MARK2: variants seen among roughly 807,000 people sequenced by gnomAD.
MARK2 encodes serine/threonine-protein kinase MARK2.
In MARK2, 16 loss-of-function variants were observed where a neutral mutation model predicts 89.8. That is an observed-to-expected ratio of 0.18 (90% CI 0.12 to 0.27). MARK2 has a LOEUF of 0.27. Among genes scored for constraint, MARK2 ranks in the 10% least tolerant of loss-of-function variants. The probability of loss-of-function intolerance (pLI) is 1.00; values close to 1 mark genes in which losing one functional copy is unlikely to be tolerated. For missense variants in MARK2, 621 were observed against 1,049.9 expected, an observed-to-expected ratio of 0.59 and a Z score of 5.65; for synonymous variants, 382 against 399.5, an observed-to-expected ratio of 0.96 and a Z score of 0.52.
In MARK2 at chr11:63,900,190, A is replaced by G; in HGVS notation, c.768+80A>G. On this transcript the variant is annotated intron_variant, in intron 8 of 18. Transcript: ENST00000402010. The surrounding 1 kb of genome is among the most constrained non-coding windows in gnomAD (Gnocchi z 4.7). ...TTAGCCCTGACCTCCTGCCTTTGCCACCTGTCTACATTTGTCCCAAGCCAA... is the reference window on the plus strand; with the variant it reads ...TTAGCCCTGACCTCCTGCCTTTGCCGCCTGTCTACATTTGTCCCAAGCCAA... 1.9e-6 allele frequency: 2 copies of G among 1,079,362 alleles called. No individual in the cohort carries two copies. The highest frequency in any genetic ancestry group is 2.3e-4 in the Middle Eastern group (1 of 4,432). The allele number at this position is 1,079,362 out of a possible 1,614,324, so 66.9% of individuals were successfully genotyped here.
chr11:63,895,603 G>C lies in MARK2; in HGVS notation c.258G>C (p.Lys86Asn). 4 of 1,594,496 alleles carry C rather than the reference G, an allele frequency of 2.5e-6. No homozygotes were observed. Among genetic ancestry groups the C allele is most frequent in the Non-Finnish European group, 3.4e-6 (4 of 1,168,830 alleles). ...AGGTAGCTGTGAAGATCATTGACAA[G>C]ACTCAACTGAACTCCTCCAGCCTCC... ...GKEVAVKIIDKTQLNSSSLQK... is the reference protein window; with the variant it reads ...GKEVAVKIIDNTQLNSSSLQK... Residue 86 changes from lysine to asparagine, a missense_variant, in exon 3 of 19, where the codon AAG (lysine) becomes AAC (asparagine). Around this residue, in one of 5 missense-constraint regions of MARK2, gnomAD observed 82 missense variants for 287.7 expected, o/e 0.29. Coordinates refer to ENST00000402010, the MANE Select transcript of MARK2 (RefSeq NM_001039469.3).
intron 11 of MARK2, among the ~76,000 whole-genome samples, chr11:63,901,684 G>A (rs1279993625): frequency 7.3e-6 from 1 of 137,274 alleles, no homozygotes; most frequent in Admixed American, 6.9e-5. Flanking sequence ...ATGTTTGGGT[G>A]TGTGTATCTG....
chr11:63,888,729 G>C (rs958113401), intron 1 of MARK2: 1 of 1,196,856 alleles, frequency 8.4e-7, no homozygotes, highest in South Asian at 1.5e-5. Flanking sequence ...TTGCGACACC[G>C]TCCAGGTTCC....
Position 63,895,257 on chromosome 11 carries a change from A to G in MARK2, c.153A>G (p.Gly51=), listed in dbSNP as rs773351669. The change falls in exon 2 of 19, where the codon GGA becomes GGG. Residue 51 remains glycine, a synonymous_variant. Coordinates refer to ENST00000402010, the MANE Select transcript of MARK2 (RefSeq NM_001039469.3). The stretch of plus-strand genomic sequence containing the variant: ...CTGCTGATGAGCAGCCCCACATTGG[A>G]AACTACCGGCTCCTCAAGACCATTG... The part of the protein sequence containing the change: ...ATSADEQPHI[G]NYRLLKTIGK... 5 of 1,614,028 alleles carry G rather than the reference A, an allele frequency of 3.1e-6. No homozygotes were observed. In the East Asian group the frequency reaches 6.7e-5, roughly 22 times the overall value.
chr11:63,898,061 C>T (rs1360745272), intron 3 of MARK2, among the ~76,000 whole-genome samples, 171 bp from the exon 4 acceptor site: 1 of 152,164 alleles, frequency 6.6e-6, no homozygotes, highest in African/African-American at 2.4e-5. Flanking sequence ...CTCCAGCTTC[C>T]CCAACTTCCC....
In MARK2 at chr11:63,909,254, G is replaced by C; in HGVS notation, c.*17G>C. ...AAGCTTTAACAGGCTGCCAGGAGCG[G>C]GGGCGGCGGGGGCGGGCCAGCTGGA... On this transcript the variant is annotated 3_prime_UTR_variant, in exon 19 of 19. Transcript: ENST00000402010. 1 of 1,561,766 alleles carries C rather than the reference G, an allele frequency of 6.4e-7. No homozygotes were observed. Among genetic ancestry groups the C allele is most frequent in the East Asian group, 2.3e-5 (1 of 43,724 alleles).
chr11:63,841,863 C>T (rs2016036776), intron 1 of MARK2, among the ~76,000 whole-genome samples: 1 of 152,188 alleles, frequency 6.6e-6, no homozygotes. Flanking sequence ...TCCTTTCTTC[C>T]TTACATGCCT....
chr11:63,898,554 C>G, intron 4 of MARK2, 54 bp from the exon 5 acceptor site: 2 of 1,319,368 alleles, frequency 1.5e-6, no homozygotes, highest in Non-Finnish European at 2.2e-6. Context: ...TGTTGGAGAG[C>G]AGTATGTGGC....
chr11:63,851,114 C>A (rs2016553083), intron 1 of MARK2, among the ~76,000 whole-genome samples: 2 of 152,146 alleles, frequency 1.3e-5, no homozygotes, highest in Non-Finnish European at 1.5e-5. Flanking sequence ...TTTCAGAGAC[C>A]CAAAGGGACA....
chr11:63,888,937 G>GGTA (rs1437354445), intron 1 of MARK2: 1 of 1,351,260 alleles, frequency 7.4e-7, no homozygotes, highest in African/African-American at 1.5e-5. Flanking sequence ...GGAAGTCGCT[G>GGTA]GTAGTCCTTT....
chr11:63,872,756 G>A (rs1476094016), intron 1 of MARK2, among the ~76,000 whole-genome samples: 1 of 152,162 alleles, frequency 6.6e-6, no homozygotes, highest in Admixed American at 6.5e-5. Context: ...GGTTGGCTCT[G>A]TAGTGCCCAG....
At chr11:63,868,340 A>G (rs938626169) in intron 1 of MARK2, 2 of 153,226 alleles carry the variant, frequency 1.3e-5, no homozygotes, top group African/African-American at 4.8e-5. Flanking sequence ...ATAAAAAAAA[A>G]TTACTTAAAA....
intron 1 of MARK2, among the ~76,000 whole-genome samples, chr11:63,862,497 C>G (rs1476912837): frequency 6.6e-6 from 1 of 152,182 alleles, no homozygotes; most frequent in Non-Finnish European, 1.5e-5. Flanking sequence ...CCTCCTCTGC[C>G]TCCAGTTGTT....
At chr11:63,856,826 C>G (rs1343155933) in intron 1 of MARK2, among the ~76,000 whole-genome samples, 1 of 112,514 alleles carries the variant, frequency 8.9e-6, no homozygotes, top group African/African-American at 3.5e-5. Context: ...CTCTCTCGCT[C>G]TCTCGCTCTC....
intron 3 of MARK2, among the ~76,000 whole-genome samples, chr11:63,896,097 T>C (rs1940375650): frequency 1.3e-5 from 2 of 152,214 alleles, no homozygotes; most frequent in Admixed American, 1.3e-4. Context: ...TTCCCTCCCA[T>C]GGCTCTGCTA....
chr11:63,902,562 C>G lies in MARK2; in HGVS notation c.1235-39C>G, dbSNP rs1457173652. On this transcript the variant is annotated intron_variant, in intron 12 of 18. Coordinates refer to ENST00000402010, the MANE Select transcript of MARK2 (RefSeq NM_001039469.3). This position sits in a 1 kb window ranked among gnomAD's most constrained non-coding sequence, Gnocchi z 4.2. ...TGCGTGGGGCTGGCACTCAGTGGAC[C>G]CCTTGGCCTTACCCATTCCCATCCT... 1 of 1,583,866 alleles carries G rather than the reference C, an allele frequency of 6.3e-7. No homozygotes were observed.
chr11:63,854,268 C>T (rs1411034710), intron 1 of MARK2, among the ~76,000 whole-genome samples: 3 of 145,768 alleles, frequency 2.1e-5, no homozygotes, highest in African/African-American at 7.6e-5. Context: ...GGTGCAACCT[C>T]CGCCCACTGC....
At position 63,904,176 on chromosome 11, in the gene MARK2, T is replaced by C. The variant is rs1941135500; in HGVS notation, c.1676+29T>C. On this transcript the variant is annotated intron_variant, in intron 15 of 18. Transcript: ENST00000402010. The surrounding 1 kb of genome is among the most constrained non-coding windows in gnomAD (Gnocchi z 6.3). ...AGTGTGCTGGGGCAGCTGGTGCACC[T>C]GCTGCCCTCAGCCCACCCTACCCCC... is the stretch of plus-strand genomic sequence containing the variant. 1 of 1,522,510 alleles carries C rather than the reference T, an allele frequency of 6.6e-7. No homozygotes were observed. Among genetic ancestry groups the C allele is most frequent in the African/African-American group, 1.4e-5 (1 of 72,474 alleles). The allele number at this position is 1,522,510 out of a possible 1,614,324, so 94.3% of individuals were successfully genotyped here. A position where few individuals can be genotyped will look rare whatever the true frequency, so the allele number is the denominator to read the frequency against.
Position 63,904,748 on chromosome 11 carries a change from C to T in MARK2, c.1677-38C>T, listed in dbSNP as rs1941187868. On this transcript the variant is annotated intron_variant, in intron 15 of 18. Transcript: ENST00000402010. This position sits in a 1 kb window ranked among gnomAD's most constrained non-coding sequence, Gnocchi z 6.3. ...TGCCCAGTGATGGCTGTCCTGTACC[C>T]TAATTCGTCCCCCTCAACCCCACTT... 3 of 1,599,704 alleles carry T rather than the reference C, an allele frequency of 1.9e-6. No individual in the cohort carries two copies. The Admixed American group carries it at 5.0e-5, about 27-fold the overall frequency.
Sources: allele counts gnomAD v4.1 joint callset (sites outside exome capture counted in the v4.1 genomes callset), GRCh38; gene constraint gnomAD v4.1.1; regional missense constraint gnomAD v4.1.1; non-coding constraint Gnocchi (gnomAD v3.1); transcripts MANE v1.5; gene names NCBI Gene and HGNC (gene_info 2026-07-23, HGNC 2026-07-21).